The following PALLD variants were observed in gnomAD, a reference collection of about 807,000 sequenced individuals.
The protein encoded by PALLD is palladin, cytoskeletal associated protein, also known as palladin.
Under a neutral mutation model 123.5 loss-of-function variants are expected in PALLD, and 61 were observed. The observed-to-expected ratio is 0.49, with a 90% CI of 0.40 to 0.61. The LOEUF is 0.61. PALLD is among the 20% of genes least tolerant of loss of function. PALLD has a pLI of 0.00. For missense variants in PALLD, 1,273 were observed against 1,377.0 expected, an observed-to-expected ratio of 0.92 and a Z score of 1.20; for synonymous variants, 465 against 496.4, an observed-to-expected ratio of 0.94 and a Z score of 0.84.
chr4:168,786,330 GA>G (rs1408192393), intron 10 of PALLD, among the ~76,000 whole-genome samples: 2 of 151,048 alleles, frequency 1.3e-5, no homozygotes, highest in African/African-American at 2.4e-5. Context: ...CCGTCTCAAA[GA>G]AAAAAAAGAA....
chr4:168,670,117 GA>G (rs1358288952), intron 3 of PALLD, among the ~76,000 whole-genome samples: 2 of 152,200 alleles, frequency 1.3e-5, no homozygotes, highest in Non-Finnish European at 2.9e-5. Flanking sequence ...TACAGTGAAG[GA>G]AACAAACTTC....
intron 8 of PALLD, among the ~76,000 whole-genome samples, chr4:168,693,641 T>G (rs1581004543): frequency 6.6e-6 from 1 of 152,332 alleles, no homozygotes; most frequent in East Asian, 1.9e-4. Context: ...GAAAAATTTC[T>G]CCTGGCAGAG....
At chr4:168,762,689 G>T (rs1733117617) in intron 10 of PALLD, among the ~76,000 whole-genome samples, 1 of 152,174 alleles carries the variant, frequency 6.6e-6, no homozygotes, top group Admixed American at 6.6e-5. Context: ...ATGCTCATTG[G>T]ATTATAAATC....
intron 2 of PALLD, among the ~76,000 whole-genome samples, chr4:168,544,615 ATACT>A (rs1765963915): frequency 6.6e-6 from 1 of 152,258 alleles, no homozygotes; most frequent in African/African-American, 2.4e-5. Flanking sequence ...AATTACTAAA[ATACT>A]TAAGTGAATT....
intron 13 of PALLD, among the ~76,000 whole-genome samples, chr4:168,896,816 C>T (rs1755284623): frequency 6.6e-6 from 1 of 151,620 alleles, no homozygotes; most frequent in Non-Finnish European, 1.5e-5. Flanking sequence ...TTTATTTTTA[C>T]TTTATGTATT....
chr4:168,662,627 A>T (rs571343691), intron 2 of PALLD, among the ~76,000 whole-genome samples: 3 of 152,218 alleles, frequency 2.0e-5, no homozygotes, highest in Admixed American at 6.5e-5. Flanking sequence ...TCACCCTAGT[A>T]TCTCTTTCCC....
At chr4:168,872,140 T>G (rs1172135498) in intron 10 of PALLD, among the ~76,000 whole-genome samples, 1 of 152,208 alleles carries the variant, frequency 6.6e-6, no homozygotes, top group Non-Finnish European at 1.5e-5. Flanking sequence ...CCAGGAGGAT[T>G]AGGAATTGGT....
chr4:168,656,496 G>C (rs1017502099), intron 2 of PALLD, among the ~76,000 whole-genome samples: 1 of 152,136 alleles, frequency 6.6e-6, no homozygotes, highest in African/African-American at 2.4e-5. Context: ...TCATGGGAAT[G>C]AGTCACATTT....
chr4:168,639,781 T>C (rs1261303053), intron 2 of PALLD, among the ~76,000 whole-genome samples: 4 of 152,124 alleles, frequency 2.6e-5, no homozygotes, highest in Non-Finnish European at 5.9e-5. Context: ...TCTGACCTCG[T>C]GATCCGCCCG....
intron 8 of PALLD, chr4:168,700,557 TC>T (rs1167903638): frequency 1.1e-4 from 16 of 152,334 alleles, no homozygotes; most frequent in African/African-American, 3.8e-4. Flanking sequence ...AGTGTTTTTT[TC>T]CTTCATCTAA....
intron 2 of PALLD, among the ~76,000 whole-genome samples, chr4:168,546,114 G>C (rs936858226): frequency 1.3e-5 from 2 of 152,128 alleles, no homozygotes; most frequent in African/African-American, 4.8e-5. Context: ...GGTTGGCCTG[G>C]AGCTGAGTTT....
chr4:168,713,956 T>G (rs932789822), intron 10 of PALLD, among the ~76,000 whole-genome samples: 13 of 146,938 alleles, frequency 8.8e-5, no homozygotes, highest in Admixed American at 2.7e-4. Flanking sequence ...TTTTTTTTTT[T>G]TTTTTTTTTT....
intron 2 of PALLD, among the ~76,000 whole-genome samples, chr4:168,532,802 TAATG>T (rs1402230292): frequency 1.3e-5 from 2 of 152,044 alleles, no homozygotes; most frequent in Non-Finnish European, 2.9e-5. Flanking sequence ...AAATCACAGA[TAATG>T]AAAGAAAGGG....
intron 2 of PALLD, among the ~76,000 whole-genome samples, chr4:168,518,931 T>C (rs73863639): frequency 0.046 from 6,948 of 152,242 alleles, 433 homozygotes; most frequent in African/African-American, 0.13. Context: ...AACCTAAACA[T>C]TCATCAAAGA....
chr4:168,594,423 T>A (rs1040285503), intron 2 of PALLD, among the ~76,000 whole-genome samples: 1 of 151,804 alleles, frequency 6.6e-6, no homozygotes. Flanking sequence ...GAAGTAGCCT[T>A]AAAAAAAACA....
At chr4:168,516,442 G>A (rs1257718683) in intron 2 of PALLD, among the ~76,000 whole-genome samples, 1 of 151,950 alleles carries the variant, frequency 6.6e-6, no homozygotes, top group African/African-American at 2.4e-5. Context: ...TAAAAAGGAG[G>A]CCTTATATTT....
At position 168,898,426 on chromosome 4, in the gene PALLD, G is replaced by A. The variant is rs1156906629; in HGVS notation, c.2251-67G>A. The A allele has an allele frequency of 1.3e-4, 128 of 972,222 alleles. 1 individual carries two copies. The highest frequency in any genetic ancestry group is 3.2e-5 in the Non-Finnish European group (19 of 600,980). The allele number at this position is 972,222 out of a possible 1,614,324, so 60.2% of individuals were successfully genotyped here. Reference sequence around the variant, plus strand: ...CTGTCTTCTAGGGCCTTATTGGGGGGCAGGGAGAGACGTGACACTTTGTCA... The same window carrying A: ...CTGTCTTCTAGGGCCTTATTGGGGGACAGGGAGAGACGTGACACTTTGTCA... On this transcript the variant is annotated intron_variant, in intron 13 of 21. Coordinates refer to ENST00000505667, the MANE Select transcript of PALLD (RefSeq NM_001166108.2).
At chr4:168,579,733 A>G (rs1280315260) in intron 2 of PALLD, among the ~76,000 whole-genome samples, 2 of 152,124 alleles carry the variant, frequency 1.3e-5, no homozygotes, top group Admixed American at 6.6e-5. Context: ...CATGTAAGAC[A>G]TAATTTTTTT....
intron 2 of PALLD, among the ~76,000 whole-genome samples, chr4:168,556,552 A>G (rs1214385180): frequency 1.3e-5 from 2 of 152,190 alleles, no homozygotes; most frequent in African/African-American, 4.8e-5. Context: ...GGATGCTTTC[A>G]ATGTGTGCAA....
Sources: allele counts gnomAD v4.1 joint callset (sites outside exome capture counted in the v4.1 genomes callset), GRCh38; gene constraint gnomAD v4.1.1; transcripts MANE v1.5; gene names NCBI Gene and HGNC (gene_info 2026-07-23, HGNC 2026-07-21).